Variants in ZRANB3 observed in about 807,000 individuals in gnomAD.
ZRANB3 encodes zinc finger RANBP2-type containing 3.
A neutral mutation model predicts 133.8 loss-of-function variants in ZRANB3; 125 were observed. The ratio of observed to expected loss-of-function variants is 0.93; its 90% CI spans 0.81 to 1.08. ZRANB3 has a LOEUF of 1.08. ZRANB3 is among the 50% of genes least tolerant of loss of function. ZRANB3 has a pLI of 0.00. For missense variants in ZRANB3, 1,229 were observed against 1,275.5 expected (o/e 0.96, Z 0.56); for synonymous variants, 387 against 432.7 (o/e 0.89, Z 1.31).
intron 8 of ZRANB3, among the ~76,000 whole-genome samples, chr2:135,294,570 G>T (rs531396143): frequency 1.3e-5 from 2 of 152,054 alleles, no homozygotes; most frequent in South Asian, 4.2e-4. Context: ...TGATTTTTTT[G>T]AAGGGTTTTT....
chr2:135,269,011 AT>A lies in ZRANB3; in HGVS notation c.1336del (p.Ile446LeufsTer6). 1 of 1,610,708 alleles carries A rather than the reference AT, an allele frequency of 6.2e-7. No individual in the cohort carries two copies. The highest frequency in any genetic ancestry group is 8.5e-7 in the Non-Finnish European group (1 of 1,179,014). On this transcript the variant is annotated frameshift_variant, in exon 11 of 21. Coordinates refer to ENST00000264159, the MANE Select transcript of ZRANB3 (RefSeq NM_032143.4). LOFTEE classifies it high-confidence loss of function. ...QCSSVNIHYLIANGTLDTLMW... is the reference protein window; with the variant it reads ...QCSSVNIHYLXANGTLDTLMW... ...AAGGGTGTCTAGGGTTCCATTTGCA[AT>A]AAGGTAGTGAATATTCACAGAACTG...
intron 8 of ZRANB3, among the ~76,000 whole-genome samples, chr2:135,307,110 AGGCTGGAGTGCAGT>A (rs1682745528): frequency 6.6e-6 from 1 of 152,134 alleles, no homozygotes; most frequent in Non-Finnish European, 1.5e-5. Context: ...TCTGTTGTCC[AGGCTGGAGTGCAGT>A]GGCATGATCA....
intron 2 of ZRANB3, among the ~76,000 whole-genome samples, chr2:135,435,314 G>C (rs1243894680): frequency 2.0e-5 from 3 of 152,182 alleles, no homozygotes; most frequent in Non-Finnish European, 4.4e-5. Context: ...TCCTGCAAAA[G>C]ACATGATCTT....
At chr2:135,301,992 T>A (rs559181464) in intron 8 of ZRANB3, among the ~76,000 whole-genome samples, 1 of 152,342 alleles carries the variant, frequency 6.6e-6, no homozygotes, top group African/African-American at 2.4e-5. Context: ...AACACTGGTA[T>A]ACATACAATA....
At chr2:135,410,484 CT>C (rs1329575404) in intron 2 of ZRANB3, among the ~76,000 whole-genome samples, 2 of 152,104 alleles carry the variant, frequency 1.3e-5, no homozygotes, top group African/African-American at 4.8e-5. Context: ...TAAAAATTAA[CT>C]CAAGATGGTT....
At chr2:135,470,680 C>A (rs1691219226) in intron 2 of ZRANB3, among the ~76,000 whole-genome samples, 1 of 151,970 alleles carries the variant, frequency 6.6e-6, no homozygotes. Context: ...GATTGAGACT[C>A]CATCTCAAAA....
chr2:135,476,762 G>A (rs951200350), intron 2 of ZRANB3, among the ~76,000 whole-genome samples: 2 of 149,290 alleles, frequency 1.3e-5, no homozygotes, highest in African/African-American at 5.0e-5. Context: ...GGAGGGCAGT[G>A]GCATGATCAT....
At chr2:135,452,996 G>A (rs1189075581) in intron 2 of ZRANB3, among the ~76,000 whole-genome samples, 1 of 152,244 alleles carries the variant, frequency 6.6e-6, no homozygotes, top group African/African-American at 2.4e-5. Context: ...TCTGCATGGG[G>A]GCCCTGCCCT....
chr2:135,352,762 ACTG>A (rs1262670962), intron 4 of ZRANB3, among the ~76,000 whole-genome samples: 1 of 152,168 alleles, frequency 6.6e-6, no homozygotes, highest in Non-Finnish European at 1.5e-5. Flanking sequence ...GATGTACTGT[ACTG>A]CTTTTTATTT....
chr2:135,528,103 C>T (rs1474715685), intron 1 of ZRANB3, among the ~76,000 whole-genome samples: 1 of 151,206 alleles, frequency 6.6e-6, no homozygotes, highest in African/African-American at 2.4e-5. Context: ...TGAATCTCAA[C>T]TCAAATTTAT....
At chr2:135,328,500 G>T (rs1558920086) in intron 6 of ZRANB3, among the ~76,000 whole-genome samples, 1 of 152,030 alleles carries the variant, frequency 6.6e-6, no homozygotes, top group East Asian at 1.9e-4. Flanking sequence ...CTTTGCTATT[G>T]TGAATAGTGC....
intron 2 of ZRANB3, among the ~76,000 whole-genome samples, chr2:135,475,386 T>C (rs984162303): frequency 2.6e-5 from 4 of 152,238 alleles, no homozygotes; most frequent in East Asian, 1.9e-4. Flanking sequence ...AGATGATTCA[T>C]CTATTCATAA....
intron 2 of ZRANB3, among the ~76,000 whole-genome samples, chr2:135,470,560 G>A (rs966419877): frequency 2.0e-5 from 3 of 151,258 alleles, no homozygotes; most frequent in Admixed American, 6.6e-5. Context: ...GGTGGCAGGC[G>A]CCTGTAATCC....
intron 3 of ZRANB3, among the ~76,000 whole-genome samples, chr2:135,372,995 T>C (rs890775888): frequency 1.9e-4 from 28 of 151,316 alleles, no homozygotes; most frequent in African/African-American, 5.6e-4. Flanking sequence ...GGCAGGAGGA[T>C]TGCTTGAGCC....
chr2:135,352,754 T>G (rs1026434848), intron 4 of ZRANB3, among the ~76,000 whole-genome samples: 3 of 152,208 alleles, frequency 2.0e-5, no homozygotes, highest in East Asian at 1.9e-4. Flanking sequence ...TTTCAGTAGA[T>G]GTACTGTACT....
intron 2 of ZRANB3, among the ~76,000 whole-genome samples, chr2:135,403,373 G>A (rs540672498): frequency 2.6e-5 from 4 of 152,342 alleles, no homozygotes; most frequent in East Asian, 1.9e-4. Context: ...AGCAGTCTGA[G>A]ATCCAACTGG....
intron 2 of ZRANB3, among the ~76,000 whole-genome samples, chr2:135,428,426 CAAAAAAAAAAAA>C (rs34645774): frequency 1.3e-5 from 1 of 75,260 alleles, no homozygotes; most frequent in East Asian, 4.0e-4. Context: ...ACTTTGTTTC[CAAAAAAAAAAAA>C]AAAAAAAAAA....
chr2:135,209,084 C>CAGTTAATAG, intron 17 of ZRANB3, 106 bp from the exon 18 acceptor site: 1 of 1,053,700 alleles, frequency 9.5e-7, no homozygotes, highest in Non-Finnish European at 1.4e-6. Flanking sequence ...AAAGCAAGCA[C>CAGTTAATAG]AATTCTATTA....
Position 135,197,376 on chromosome 2 carries a change from T to C in ZRANB3, c.*2966A>G, listed in dbSNP as rs1189784647. 6.6e-6 allele frequency: 1 copy of C among 152,214 alleles called. No individual in the cohort carries two copies. Among genetic ancestry groups the C allele is most frequent in the East Asian group, 1.9e-4 (1 of 5,200 alleles). 9.4% of individuals were successfully genotyped at this position (152,214 alleles called of 1,614,324 possible). A position where few individuals can be genotyped will look rare whatever the true frequency, so the allele number is the denominator to read the frequency against. The stretch of plus-strand genomic sequence containing the variant: ...TTTTATTTCTAAAGAAACTACATTT[T>C]AAATGTTTCACTCAAGAATCTGAAG... On this transcript the variant is annotated 3_prime_UTR_variant, in exon 21 of 21. Transcript: ENST00000264159.
Sources: gnomAD v4.1 joint callset for allele counts (sites outside exome capture counted in the v4.1 genomes callset) on GRCh38, gnomAD v4.1.1 for gene constraint, MANE v1.5 for transcripts, NCBI Gene and HGNC (gene_info 2026-07-23, HGNC 2026-07-21) for gene names.